The following RBM19 variants were observed in gnomAD, a reference collection of about 807,000 sequenced individuals.
RBM19 encodes the protein RNA binding motif protein 19.
Under a neutral mutation model 116.8 loss-of-function variants are expected in RBM19, and 94 were observed. The observed-to-expected ratio is 0.80, with a 90% CI of 0.68 to 0.95. The LOEUF (loss-of-function observed/expected upper bound fraction) is 0.95. Among genes scored for constraint, RBM19 ranks in the 40% least tolerant of loss-of-function variants. RBM19 has a pLI of 0.00. For missense variants in RBM19, 1,161 were observed against 1,220.7 expected, an observed-to-expected ratio of 0.95 and a Z score of 0.73; for synonymous variants, 475 against 494.1, an observed-to-expected ratio of 0.96 and a Z score of 0.51.
At chr12:113,885,867 C>CT (rs1004711498) in intron 21 of RBM19, among the ~76,000 whole-genome samples, 1,284 of 125,224 alleles carry the variant, frequency 0.01, 9 homozygotes, top group African/African-American at 0.013. Context: ...TCAGCTTTGC[C>CT]TTTTTTTTTT....
At chr12:113,943,100 C>T (rs1040384763) in intron 13 of RBM19, among the ~76,000 whole-genome samples, 1 of 152,224 alleles carries the variant, frequency 6.6e-6, no homozygotes, top group African/African-American at 2.4e-5. Context: ...TTGCTCCATT[C>T]AGTTTCTGCT....
At chr12:113,935,107 A>C (rs534834222) in intron 16 of RBM19, among the ~76,000 whole-genome samples, 1 of 152,354 alleles carries the variant, frequency 6.6e-6, no homozygotes, top group Admixed American at 6.5e-5. Context: ...AGAAAAAAGA[A>C]GACAGCAGAG....
chr12:113,937,370 C>A, intron 15 of RBM19: 1 of 373,084 alleles, frequency 2.7e-6, no homozygotes. Flanking sequence ...TCTCTGTTGC[C>A]ACCAGACATA....
intron 19 of RBM19, among the ~76,000 whole-genome samples, chr12:113,919,051 C>T (rs575469817): frequency 3.3e-5 from 5 of 152,230 alleles, no homozygotes; most frequent in East Asian, 1.9e-4. Context: ...AATCTTATAT[C>T]GCGTGAAAGA....
intron 16 of RBM19, among the ~76,000 whole-genome samples, chr12:113,928,625 A>ATGTGTG (rs57242923): frequency 0.11 from 13,622 of 120,244 alleles, 1,034 homozygotes; most frequent in East Asian, 0.35. Context: ...TTAGCAAGGG[A>ATGTGTG]TGTGTGTGTG....
At position 113,957,907 on chromosome 12, in the gene RBM19, C is replaced by A. The variant is rs756125008; in HGVS notation, c.715G>T (p.Gly239Trp). 1.2e-6 allele frequency: 2 copies of A among 1,614,196 alleles called. No individual in the cohort carries two copies. The highest frequency in any genetic ancestry group is 8.5e-7 in the Non-Finnish European group (1 of 1,180,030). The change falls in exon 6 of 24, where the codon GGG (glycine) becomes TGG (tryptophan). Residue 239 changes from glycine (G) to tryptophan (W), a missense_variant. Coordinates refer to ENST00000261741, the MANE Select transcript of RBM19 (RefSeq NM_016196.4). ...SEDEAVHCDEGSEAEEEDSSA... is the reference protein window; with the variant it reads ...SEDEAVHCDEWSEAEEEDSSA... ...GAATCCTCTTCCTCGGCCTCACTCC[C>A]TTCATCACAGTGCACGGCTTCATCT...
intron 23 of RBM19, among the ~76,000 whole-genome samples, chr12:113,837,246 T>TACACACACACACACACACACACACACAC: frequency 7.9e-6 from 1 of 126,900 alleles, no homozygotes; most frequent in African/African-American, 3.1e-5. Context: ...ATCCTCCTAA[T>TACACACACACACACACACACACACACAC]ACACACACAC....
chr12:113,940,659 T>C (rs1870497462), intron 14 of RBM19, among the ~76,000 whole-genome samples: 1 of 152,152 alleles, frequency 6.6e-6, no homozygotes, highest in Non-Finnish European at 1.5e-5. Context: ...TAGGCAGAGC[T>C]CCAGGCAGCC....
At position 113,959,932 on chromosome 12, in the gene RBM19, G is replaced by A. The variant is rs765406096; in HGVS notation, c.340-29C>T. ...AAAACAGAAGGCACAGAGAGTGAGG[G>A]TCACACAGATGAAGAGAGCTGGGAA... On this transcript the variant is annotated intron_variant, in intron 3 of 23. Transcript: ENST00000261741. The A allele has an allele frequency of 7.4e-6, 12 of 1,614,016 alleles. No individual in the cohort carries two copies. The Admixed American group carries it at 1.2e-4, about 16-fold the overall frequency.
At chr12:113,873,689 T>TAAAA (rs146761765) in intron 21 of RBM19, among the ~76,000 whole-genome samples, 2 of 127,688 alleles carry the variant, frequency 1.6e-5, no homozygotes. Context: ...AAAAATAAAT[T>TAAAA]AAAAAAAAAA....
At position 113,823,268 on chromosome 12, in the gene RBM19, C is replaced by T. The variant is rs1331083303; in HGVS notation, c.2839G>A (p.Glu947Lys). ...VVLDEILEQL[E>K]GSDSDSEEQT... Reference sequence around the variant, plus strand: ...TCCTCGCTGTCGCTGTCACTGCCTTCCAGCTGCTCCAGGATCTCGTCCAAC... The same window carrying T: ...TCCTCGCTGTCGCTGTCACTGCCTTTCAGCTGCTCCAGGATCTCGTCCAAC... Residue 947 changes from glutamate to lysine, a missense_variant, in exon 24 of 24, where the codon GAA (glutamate) becomes AAA (lysine). By Grantham distance (56) the Glu-to-Lys change is moderately conservative. Coordinates refer to ENST00000261741, the MANE Select transcript of RBM19 (RefSeq NM_016196.4). 3 of 1,612,896 alleles carry T rather than the reference C, an allele frequency of 1.9e-6. No individual in the cohort carries two copies. Among genetic ancestry groups the T allele is most frequent in the Non-Finnish European group, 1.7e-6 (2 of 1,180,038 alleles).
Position 113,952,623 on chromosome 12 carries a change from C to A in RBM19, c.922-33G>T, listed in dbSNP as rs772274345. 1.9e-6 allele frequency: 3 copies of A among 1,567,924 alleles called. No homozygotes were observed. In the Admixed American group the frequency reaches 5.0e-5, roughly 26 times the overall value. On this transcript the variant is annotated intron_variant, in intron 7 of 23. Transcript: ENST00000261741. ...AAGAAGTTTTTTTCCCCTTACCAAC[C>A]ACATAATAAAAGTACAACCCAACGA... is the stretch of plus-strand genomic sequence containing the variant.
chr12:113,821,519 T>G (rs940367148), downstream of RBM19, among the ~76,000 whole-genome samples: 1 of 152,156 alleles, frequency 6.6e-6, no homozygotes, highest in Non-Finnish European at 1.5e-5. Flanking sequence ...GGGACCCTGG[T>G]CACCTGAGGG....
intron 22 of RBM19, among the ~76,000 whole-genome samples, chr12:113,853,211 G>A (rs1057425932): frequency 6.6e-6 from 1 of 152,194 alleles, no homozygotes; most frequent in African/African-American, 2.4e-5. Flanking sequence ...GAGTGGAAAA[G>A]TGAGAAATGA....
In RBM19 at chr12:113,854,649, C is replaced by T. The variant is rs549709420; in HGVS notation, c.2664+4142G>A. Among the ~76,000 whole-genome samples, 9 of 152,288 alleles carry T rather than the reference C, an allele frequency of 5.9e-5. No individual in the cohort carries two copies. In the South Asian group the frequency reaches 1.7e-3, roughly 28 times the overall value. On this transcript the variant is annotated intron_variant, in intron 22 of 23. Transcript: ENST00000261741. ...AGAGTGGGAGAATATGCCAGCTCAT[C>T]GATCCTGCTTCCTCTGAGCAGGCCT...
chr12:113,947,625 G>T (rs1373559177), intron 10 of RBM19, among the ~76,000 whole-genome samples, 161 bp from the exon 11 acceptor site: 1 of 152,188 alleles, frequency 6.6e-6, no homozygotes, highest in Non-Finnish European at 1.5e-5. Flanking sequence ...CTGGGCTGGA[G>T]CCCAGCACCA....
chr12:113,950,105 C>T lies in RBM19; in HGVS notation c.1050G>A (p.Leu350=). Residue 350 remains leucine, a synonymous_variant, in exon 9 of 24, where the codon CTG becomes CTA. Coordinates refer to ENST00000261741, the MANE Select transcript of RBM19 (RefSeq NM_016196.4). ...FSNEEEVKQA[L]KCNREYMGGR... is the part of the protein sequence containing the mutation. Reference sequence around the variant, plus strand: ...TACCCATGTACTCCCGGTTGCATTTCAGAGCTTGCTTCACTTCCTCTTCAT... The same window carrying T: ...TACCCATGTACTCCCGGTTGCATTTTAGAGCTTGCTTCACTTCCTCTTCAT... The T allele has an allele frequency of 6.2e-7, 1 of 1,611,064 alleles. No individual in the cohort carries two copies. Among genetic ancestry groups the T allele is most frequent in the Non-Finnish European group, 8.5e-7 (1 of 1,177,340 alleles).
At chr12:113,922,990 C>T (rs913163441) in intron 18 of RBM19, among the ~76,000 whole-genome samples, 14 of 152,126 alleles carry the variant, frequency 9.2e-5, no homozygotes, top group East Asian at 1.9e-4. Context: ...AAAAATTAGC[C>T]GGGTGTGGTG....
In RBM19 at chr12:113,966,252, T is replaced by G. The variant is rs1466864599; in HGVS notation, c.-25A>C. The G allele has an allele frequency of 1.9e-6, 3 of 1,613,964 alleles. No homozygotes were observed. The African/African-American group carries it at 4.0e-5, about 22-fold the overall frequency. ...TGGCGCAGGGTCCCCGCTGTTTTGA[T>G]TCCAACACGACTGGTCAGCGTCTTC... On this transcript the variant is annotated 5_prime_UTR_variant, in exon 1 of 24. Transcript: ENST00000261741.
Sources: allele counts gnomAD v4.1 joint callset (sites outside exome capture counted in the v4.1 genomes callset), GRCh38; gene constraint gnomAD v4.1.1; transcripts MANE v1.5; gene names NCBI Gene and HGNC (gene_info 2026-07-23, HGNC 2026-07-21).